MYO3A: variants seen among roughly 807,000 people sequenced by gnomAD.
MYO3A encodes the protein myosin-IIIa.
A neutral mutation model predicts 192.7 loss-of-function variants in MYO3A; 180 were observed. The observed-to-expected ratio is 0.93, with a 90% confidence interval of 0.83 to 1.06. MYO3A has a LOEUF of 1.06. MYO3A is among the 50% of genes least tolerant of loss of function. The pLI is 0.00. For synonymous variants in MYO3A, 628 were observed against 645.3 expected (o/e 0.97, Z 0.41); for missense variants, 1,896 against 1,905.0 (o/e 1.00, Z 0.09).
chr10:26,068,728 A>G lies in MYO3A; in HGVS notation c.1054-40A>G, dbSNP rs961924111. Reference sequence around the variant, plus strand: ...CTTTTTAAATTGTAGTTGACCACAAATAATTTTTAAGAAGGAGAAATTATT... The same window carrying G: ...CTTTTTAAATTGTAGTTGACCACAAGTAATTTTTAAGAAGGAGAAATTATT... On this transcript the variant is annotated intron_variant, in intron 11 of 34. Transcript: ENST00000642920. 8 of 1,343,410 alleles carry G rather than the reference A, an allele frequency of 6.0e-6. No homozygotes were observed. The Admixed American group carries it at 6.8e-5, about 11-fold the overall frequency. The allele number at this position is 1,343,410 out of a possible 1,614,324, so 83.2% of individuals were successfully genotyped here. A position where few individuals can be genotyped will look rare whatever the true frequency, so the allele number is the denominator to read the frequency against.
chr10:25,938,899 C>CA (rs763268189), intron 2 of MYO3A, among the ~76,000 whole-genome samples: 24 of 152,070 alleles, frequency 1.6e-4, no homozygotes, highest in Non-Finnish European at 2.9e-4. Flanking sequence ...GCAGTTATTA[C>CA]TAAGGTGGGT....
At chr10:26,180,125 G>A (rs895497978) in intron 31 of MYO3A, among the ~76,000 whole-genome samples, 2 of 152,118 alleles carry the variant, frequency 1.3e-5, no homozygotes, top group African/African-American at 4.8e-5. Flanking sequence ...GTGAGCCACC[G>A]CGCCTGGCCT....
At chr10:26,179,834 A>G (rs1842534192) in intron 31 of MYO3A, among the ~76,000 whole-genome samples, 1 of 152,200 alleles carries the variant, frequency 6.6e-6, no homozygotes, top group Non-Finnish European at 1.5e-5. Flanking sequence ...AATCTCAATT[A>G]TTAATTAATT....
intron 10 of MYO3A, among the ~76,000 whole-genome samples, chr10:26,055,989 CAG>C (rs1844294067): frequency 6.6e-6 from 1 of 152,134 alleles, no homozygotes; most frequent in Admixed American, 6.5e-5. Flanking sequence ...TTTGAAGAAA[CAG>C]AGCAAGCATC....
chr10:26,202,032 G>T (rs1843698948), intron 33 of MYO3A, among the ~76,000 whole-genome samples: 1 of 152,114 alleles, frequency 6.6e-6, no homozygotes, highest in Admixed American at 6.5e-5. Flanking sequence ...TTGTTAAGAA[G>T]ATAAGGTTTA....
intron 2 of MYO3A, among the ~76,000 whole-genome samples, chr10:25,948,860 G>A (rs1329767534): frequency 1.3e-5 from 2 of 152,004 alleles, no homozygotes; most frequent in Non-Finnish European, 2.9e-5. Context: ...ATGACTAGGT[G>A]TATTCTGTTT....
rs151285351 is a variant in MYO3A, at chr10:26,017,335, G to C, written c.585+439G>C. Among the ~76,000 whole-genome samples, 792 of 152,276 alleles carry C rather than the reference G, an allele frequency of 5.2e-3. 8 individuals carry two copies. Among genetic ancestry groups the C allele is most frequent in the African/African-American group, 0.018 (751 of 41,538 alleles). ...TCACTCTGCCTGGGGGCTATGCTCAGCTTTAATAAATTCTTTACATCATTA... is the reference window on the plus strand; with the variant it reads ...TCACTCTGCCTGGGGGCTATGCTCACCTTTAATAAATTCTTTACATCATTA... On this transcript the variant is annotated intron_variant, in intron 7 of 34. Transcript: ENST00000642920.
chr10:26,011,515 CAT>C (rs1841659245), intron 6 of MYO3A, among the ~76,000 whole-genome samples: 1 of 151,960 alleles, frequency 6.6e-6, no homozygotes, highest in African/African-American at 2.4e-5. Context: ...AACTAGAAAA[CAT>C]AGAGGAAATG....
intron 4 of MYO3A, among the ~76,000 whole-genome samples, chr10:25,979,444 G>GA (rs141641829): frequency 6.7e-6 from 1 of 148,298 alleles, no homozygotes; most frequent in African/African-American, 2.5e-5. Flanking sequence ...TGACCATACA[G>GA]AAAAAAGTTG....
intron 10 of MYO3A, among the ~76,000 whole-genome samples, chr10:26,041,177 G>T (rs1843326513): frequency 6.6e-6 from 1 of 151,858 alleles, no homozygotes; most frequent in South Asian, 2.1e-4. Flanking sequence ...TTTTTGTCTT[G>T]AAATCTATTT....
At chr10:25,963,544 G>A (rs1011713352) in intron 4 of MYO3A, among the ~76,000 whole-genome samples, 4 of 152,150 alleles carry the variant, frequency 2.6e-5, no homozygotes, top group African/African-American at 4.8e-5. Flanking sequence ...ATTTGTGAGG[G>A]GTCAGGAGAA....
chr10:26,069,913 T>C (rs1465041844), intron 12 of MYO3A, among the ~76,000 whole-genome samples, 198 bp from the exon 13 acceptor site: 1 of 152,076 alleles, frequency 6.6e-6, no homozygotes, highest in African/African-American at 2.4e-5. Context: ...CTGTTTTGTG[T>C]CAGGCTCTTA....
intron 14 of MYO3A, 140 bp from the exon 15 acceptor site, chr10:26,088,063 A>C: frequency 1.5e-6 from 1 of 675,394 alleles, no homozygotes; most frequent in Non-Finnish European, 2.4e-6. Flanking sequence ...ATAGACCAGG[A>C]TGTAACATCT....
intron 32 of MYO3A, among the ~76,000 whole-genome samples, chr10:26,195,994 A>G (rs1843388643): frequency 6.6e-6 from 1 of 152,248 alleles, no homozygotes; most frequent in African/African-American, 2.4e-5. Flanking sequence ...AATGAAAAAC[A>G]AATAGGAGTA....
At chr10:26,106,115 T>C (rs1353585863) in intron 17 of MYO3A, among the ~76,000 whole-genome samples, 1 of 152,146 alleles carries the variant, frequency 6.6e-6, no homozygotes. Flanking sequence ...TTAGCATTGC[T>C]TGTCCATACA....
chr10:26,171,376 T>C (rs1842037171), intron 29 of MYO3A, among the ~76,000 whole-genome samples: 1 of 152,044 alleles, frequency 6.6e-6, no homozygotes, highest in African/African-American at 2.4e-5. Flanking sequence ...CCTAGCTTCC[T>C]TCTTTCCCCA....
chr10:25,939,869 T>C (rs1352546476), intron 2 of MYO3A, among the ~76,000 whole-genome samples: 2 of 119,648 alleles, frequency 1.7e-5, no homozygotes, highest in African/African-American at 2.6e-5. Context: ...TTTCTTTATT[T>C]CTTTCAGCCT....
chr10:26,061,970 G>T (rs1465113387), intron 10 of MYO3A, among the ~76,000 whole-genome samples: 2 of 152,150 alleles, frequency 1.3e-5, no homozygotes, highest in African/African-American at 4.8e-5. Context: ...GAAAATAGGG[G>T]AGTAAATGAG....
intron 4 of MYO3A, among the ~76,000 whole-genome samples, chr10:25,966,761 TATC>T (rs1197865449): frequency 1.3e-5 from 2 of 152,216 alleles, no homozygotes; most frequent in Non-Finnish European, 2.9e-5. Context: ...CAAGAAACTC[TATC>T]AGAGGTTCTC....
Sources: allele counts gnomAD v4.1 joint callset (sites outside exome capture counted in the v4.1 genomes callset), GRCh38; gene constraint gnomAD v4.1.1; transcripts MANE v1.5; gene names NCBI Gene and HGNC (gene_info 2026-07-23, HGNC 2026-07-21).